SNRPN: variants seen among roughly 807,000 people sequenced by gnomAD.
SNRPN encodes the protein small nuclear ribonucleoprotein polypeptide N, also known as small nuclear ribonucleoprotein-associated protein N.
SNRPN carries 7 observed loss-of-function variants against 25.2 expected under a neutral mutation model. That is an observed-to-expected ratio of 0.28 (90% confidence interval 0.16 to 0.52). SNRPN has a LOEUF of 0.52. Among genes scored for constraint, SNRPN ranks in the 20% least tolerant of loss-of-function variants. The probability of loss-of-function intolerance (pLI) is 0.96; values close to 1 mark genes in which losing one functional copy is unlikely to be tolerated. For synonymous variants in SNRPN, 124 were observed against 110.6 expected, an observed-to-expected ratio of 1.12 and a Z score of -0.76; for missense variants, 196 against 322.5, an observed-to-expected ratio of 0.61 and a Z score of 3.00.
intron 3 of SNRPN, among the ~76,000 whole-genome samples, chr15:24,935,906 C>T (rs1386594660): frequency 6.6e-6 from 1 of 151,898 alleles, no homozygotes; most frequent in East Asian, 1.9e-4. Flanking sequence ...ATCACGAGGT[C>T]AGTTCAAGAC....
chr15:24,974,862 C>G lies in SNRPN; in HGVS notation c.3+406C>G, dbSNP rs2076885360. The G allele has an allele frequency of 2.1e-5, 15 of 698,836 alleles. No individual in the cohort carries two copies. In the Admixed American group the frequency reaches 3.0e-4, roughly 14 times the overall value. 43.3% of individuals were successfully genotyped at this position (698,836 alleles called of 1,614,324 possible). A position where few individuals can be genotyped will look rare whatever the true frequency, so the allele number is the denominator to read the frequency against. ...GCATGAGATGAGCCACTGTGCCTGG[C>G]CATGAGAAATGTTTCATGATGTGAG... is the stretch of plus-strand genomic sequence containing the variant. On this transcript the variant is annotated intron_variant, in intron 4 of 9. Transcript: ENST00000390687.
intron 2 of SNRPN, among the ~76,000 whole-genome samples, chr15:24,838,848 C>T (rs2051441763): frequency 2.0e-5 from 3 of 152,010 alleles, no homozygotes; most frequent in Admixed American, 1.3e-4. Flanking sequence ...TCCTGTCCCC[C>T]AACACTGTGA....
At chr15:24,851,333 C>T (rs533401622) in intron 2 of SNRPN, 1 of 152,242 alleles carries the variant, frequency 6.6e-6, no homozygotes, top group Admixed American at 6.5e-5. Flanking sequence ...GGTTACAAAA[C>T]TTTTGGGAGC....
chr15:24,842,412 A>C (rs1254786055), intron 2 of SNRPN, among the ~76,000 whole-genome samples: 1 of 152,154 alleles, frequency 6.6e-6, no homozygotes, highest in Admixed American at 6.5e-5. Flanking sequence ...GATAGGGAGA[A>C]AGTCTTCCTT....
intron 1 of SNRPN, among the ~76,000 whole-genome samples, chr15:24,874,815 G>A (rs1412804490): frequency 6.6e-6 from 1 of 152,116 alleles, no homozygotes; most frequent in Non-Finnish European, 1.5e-5. Flanking sequence ...GACAATGTGG[G>A]GTAAATCATG....
At chr15:24,854,979 G>A (rs908220168), upstream of SNRPN, among the ~76,000 whole-genome samples, 1 of 147,196 alleles carries the variant, frequency 6.8e-6, no homozygotes, top group East Asian at 2.1e-4. Context: ...ACTCCAGCCT[G>A]GGTGACAGAG....
In SNRPN at chr15:24,899,710, G is replaced by A. The variant is rs567876548; in HGVS notation, c.-505+13121G>A. ...TACCTACCTGTGAACACCTTTCCCT[G>A]GCACCTAAGTGGGAAGATTTCTGGA... On this transcript the variant is annotated intron_variant, in intron 2 of 11. Coordinates refer to the SNRPN transcript ENST00000400097. Among the ~76,000 whole-genome samples, 13 of 152,216 alleles carry A rather than the reference G, an allele frequency of 8.5e-5. No individual in the cohort carries two copies. In the South Asian group the frequency reaches 2.7e-3, roughly 32 times the overall value.
rs1304573280 is a variant in SNRPN at position 24,835,135 on chromosome 15, T to C, written c.-579+5230T>C. 4.9e-5 allele frequency among the ~76,000 whole-genome samples: 3 copies of C among 61,786 alleles called. 1 individual carries two copies. In the Admixed American group the frequency reaches 7.1e-4, roughly 15 times the overall value. 40.5% of individuals were successfully genotyped at this position (61,786 alleles called of 152,430 possible). A position where few individuals can be genotyped will look rare whatever the true frequency, so the allele number is the denominator to read the frequency against. On this transcript the variant is annotated intron_variant, in intron 2 of 12. Transcript: ENST00000400100. ...TATATCTATATATAAAATATATAGA[T>C]ATATATACTATATATAAAATATATA...
chr15:24,921,364 A>G (rs1201611658), intron 3 of SNRPN: 1 of 152,120 alleles, frequency 6.6e-6, no homozygotes, highest in Non-Finnish European at 1.5e-5. Flanking sequence ...CCTCTCAGAA[A>G]CTGTTCCTGC....
intron 3 of SNRPN, among the ~76,000 whole-genome samples, chr15:24,969,463 T>C (rs2076127118): frequency 6.6e-6 from 1 of 152,206 alleles, no homozygotes; most frequent in East Asian, 1.9e-4. Flanking sequence ...ACAGAAATTT[T>C]CTGAGAAATC....
At chr15:24,866,376 G>A (rs763232760) in intron 1 of SNRPN, among the ~76,000 whole-genome samples, 5 of 152,076 alleles carry the variant, frequency 3.3e-5, no homozygotes, top group East Asian at 1.9e-4. Context: ...TTTTTGTGGA[G>A]AGAACACTTT....
At chr15:24,970,025 G>T (rs1198093161) in intron 3 of SNRPN, among the ~76,000 whole-genome samples, 1 of 152,180 alleles carries the variant, frequency 6.6e-6, no homozygotes, top group East Asian at 1.9e-4. Flanking sequence ...CAGATTGAAA[G>T]AAGAAAACAC....
At chr15:24,874,309 CAAA>C (rs199834006) in intron 1 of SNRPN, among the ~76,000 whole-genome samples, 1 of 61,446 alleles carries the variant, frequency 1.6e-5, no homozygotes, top group Non-Finnish European at 2.8e-5. Context: ...GACTCTGTCT[CAAA>C]AAAAAAAAAA....
At position 24,949,301 on chromosome 15, in the gene SNRPN, C is replaced by G. The variant is rs553182384; in HGVS notation, c.-390-12813C>G. On this transcript the variant is annotated intron_variant, in intron 3 of 11. Transcript: ENST00000400097. ...CCTCCCAAAGTGCTGGGATTACAGG[C>G]GTGAGCCACCACACTTGGCCTGGAT... is the stretch of plus-strand genomic sequence containing the variant. Among the ~76,000 whole-genome samples the G allele has an allele frequency of 2.0e-5, 3 of 152,130 alleles. No homozygotes were observed. The East Asian group carries it at 5.8e-4, about 29-fold the overall frequency.
intron 2 of SNRPN, among the ~76,000 whole-genome samples, chr15:24,915,830 A>G (rs1282879438): frequency 6.6e-6 from 1 of 152,194 alleles, no homozygotes; most frequent in African/African-American, 2.4e-5. Context: ...GGCAGGGAAT[A>G]ATTCCAAAAT....
chr15:24,879,152 A>G (rs1161526773), intron 1 of SNRPN, among the ~76,000 whole-genome samples: 1 of 152,184 alleles, frequency 6.6e-6, no homozygotes, highest in Non-Finnish European at 1.5e-5. Context: ...TTATGCATTT[A>G]GGCCGGGTGC....
intron 2 of SNRPN, among the ~76,000 whole-genome samples, chr15:24,892,875 G>T (rs939559913): frequency 7.9e-5 from 12 of 151,868 alleles, no homozygotes; most frequent in Non-Finnish European, 1.6e-4. Context: ...TACATGGGAA[G>T]ATCCGGATCA....
chr15:24,849,976 T>G lies in SNRPN; in HGVS notation c.-579+20071T>G, dbSNP rs1227377374. ...AATATCTTGAAATTCCAATTCTGAT[T>G]TTTCCAAATTAGATTTTGATTCAGA... On this transcript the variant is annotated intron_variant, in intron 2 of 12. Coordinates refer to the SNRPN transcript ENST00000400100. 2.6e-5 allele frequency: 4 copies of G among 152,218 alleles called. No individual in the cohort carries two copies. In the East Asian group the frequency reaches 7.7e-4, roughly 29 times the overall value. 9.4% of individuals were successfully genotyped at this position (152,218 alleles called of 1,614,324 possible).
intron 2 of SNRPN, chr15:24,909,027 A>C: frequency 7.0e-7 from 1 of 1,427,206 alleles, no homozygotes; most frequent in Non-Finnish European, 9.8e-7. Flanking sequence ...GGATGGTTCC[A>C]CCTCTTCTTT....
Sources: gnomAD v4.1 joint callset for allele counts (sites outside exome capture counted in the v4.1 genomes callset) on GRCh38, gnomAD v4.1.1 for gene constraint, MANE v1.5 for transcripts, NCBI Gene and HGNC (gene_info 2026-07-23, HGNC 2026-07-21) for gene names.